The following EPHB2 variants were observed in gnomAD, a reference collection of about 807,000 sequenced individuals.
EPHB2 encodes ephrin type-B receptor 2.
In EPHB2, 18 loss-of-function variants were observed where a neutral mutation model predicts 96.4. That is an observed-to-expected ratio of 0.19 (90% CI 0.13 to 0.28). The LOEUF is 0.28. Ranked by LOEUF, EPHB2 falls within the 10% of genes least tolerant of loss-of-function variation. The pLI, the probability that EPHB2 is intolerant of heterozygous loss-of-function variation, is 1.00. For synonymous variants in EPHB2, 506 were observed against 534.1 expected (o/e 0.95, Z 0.72); for missense variants, 989 against 1,355.4 (o/e 0.73, Z 4.25).
Position 22,865,119 on chromosome 1 carries a change from T to C in EPHB2, c.1210T>C (p.Tyr404His). ...CAGTGACCTGCTGGCCCACACCCAG[T>C]ACACCTTCGAGATCCAGGCTGTGAA... Reference protein sequence around the residue: ...YISDLLAHTQYTFEIQAVNGV... With the variant: ...YISDLLAHTQHTFEIQAVNGV... Residue 404 changes from tyrosine (Y) to histidine (H), a missense_variant, in exon 5 of 16, where the codon TAC (tyrosine) becomes CAC (histidine). Coordinates refer to ENST00000374630, the MANE Select transcript of EPHB2 (RefSeq NM_017449.5). 1 of 1,614,232 alleles carries C rather than the reference T, an allele frequency of 6.2e-7. No homozygotes were observed. Among genetic ancestry groups the C allele is most frequent in the Non-Finnish European group, 8.5e-7 (1 of 1,180,038 alleles).
chr1:22,769,512 A>T (rs1644350199), intron 1 of EPHB2, among the ~76,000 whole-genome samples: 1 of 152,060 alleles, frequency 6.6e-6, no homozygotes. Flanking sequence ...GTTCAAGTTG[A>T]TTCTCGTGCC....
intron 3 of EPHB2, among the ~76,000 whole-genome samples, chr1:22,837,691 C>T (rs12731889): frequency 6.6e-6 from 1 of 152,068 alleles, no homozygotes; most frequent in Middle Eastern, 3.2e-3. Flanking sequence ...CAGTCCTTCC[C>T]ATTCAGCTTC....
chr1:22,872,835 T>C (rs1638716624), intron 5 of EPHB2, among the ~76,000 whole-genome samples: 1 of 152,116 alleles, frequency 6.6e-6, no homozygotes, highest in East Asian at 1.9e-4. Flanking sequence ...CACCTACTTC[T>C]CTCCCTGGGG....
intron 3 of EPHB2, among the ~76,000 whole-genome samples, chr1:22,851,500 T>C (rs1381694502): frequency 1.3e-5 from 2 of 152,328 alleles, no homozygotes; most frequent in Non-Finnish European, 2.9e-5. Context: ...CCTCTGCCCC[T>C]TCTCTTCCCT....
intron 1 of EPHB2, among the ~76,000 whole-genome samples, chr1:22,780,612 A>G (rs188967923): frequency 2.6e-5 from 4 of 152,332 alleles, no homozygotes; most frequent in Admixed American, 2.6e-4. Flanking sequence ...CAGCCCCTCT[A>G]AGGCCCAAGT....
At chr1:22,818,730 G>A (rs778882529) in intron 3 of EPHB2, among the ~76,000 whole-genome samples, 17 of 151,876 alleles carry the variant, frequency 1.1e-4, no homozygotes, top group Admixed American at 3.9e-4. Context: ...CCCCTGCACC[G>A]TTCATCTTAG....
At chr1:22,759,971 C>T (rs868001469) in intron 1 of EPHB2, among the ~76,000 whole-genome samples, 5 of 152,162 alleles carry the variant, frequency 3.3e-5, no homozygotes, top group East Asian at 3.9e-4. Context: ...GCAACATTCT[C>T]GCTGCCTGTC....
chr1:22,795,727 G>A (rs932759075), intron 3 of EPHB2, among the ~76,000 whole-genome samples: 4 of 152,188 alleles, frequency 2.6e-5, no homozygotes, highest in African/African-American at 9.7e-5. Context: ...GACACGAGGA[G>A]GCATGACTTT....
intron 1 of EPHB2, among the ~76,000 whole-genome samples, chr1:22,767,131 A>G (rs1010661326): frequency 4.6e-5 from 7 of 152,198 alleles, no homozygotes; most frequent in Admixed American, 6.5e-5. Context: ...AATGGCCTTC[A>G]TCCTCCACTT....
intron 4 of EPHB2, among the ~76,000 whole-genome samples, chr1:22,864,388 C>A (rs1189637406): frequency 6.6e-6 from 1 of 152,160 alleles, no homozygotes; most frequent in East Asian, 1.9e-4. Context: ...GCTGAAGTCC[C>A]AGCCATCACC....
chr1:22,811,932 A>G (rs547141749), intron 3 of EPHB2, among the ~76,000 whole-genome samples: 26 of 152,332 alleles, frequency 1.7e-4, no homozygotes, highest in Non-Finnish European at 1.2e-4. Context: ...CCAGCTCCTC[A>G]GGAGGCTGAG....
At chr1:22,711,771 C>T (rs1398272751) in intron 1 of EPHB2, among the ~76,000 whole-genome samples, 1 of 152,180 alleles carries the variant, frequency 6.6e-6, no homozygotes, top group Non-Finnish European at 1.5e-5. Context: ...GGGAACTCTC[C>T]AGCTGCCGCC....
intron 3 of EPHB2, among the ~76,000 whole-genome samples, chr1:22,837,748 C>T (rs563075368): frequency 1.3e-5 from 2 of 152,130 alleles, no homozygotes; most frequent in African/African-American, 2.4e-5. Flanking sequence ...AGCAACAGAC[C>T]GGCAGCCTGA....
rs540315802 is a variant in EPHB2 at position 22,789,898 on chromosome 1, A to C, written c.811+4822A>C. Among the ~76,000 whole-genome samples, 22 of 152,306 alleles carry C rather than the reference A, an allele frequency of 1.4e-4. 2 individuals carry two copies. In the South Asian group the frequency reaches 4.1e-3, roughly 29 times the overall value. On this transcript the variant is annotated intron_variant, in intron 3 of 15. Transcript: ENST00000374630. ...GAGAAGGCTGTGGGGAAAGCATTCC[A>C]GGCAGAGGGTCCCTGAGAAACCCTG...
chr1:22,882,219 G>A, intron 5 of EPHB2, 140 bp from the exon 6 acceptor site: 1 of 1,464,626 alleles, frequency 6.8e-7, no homozygotes, highest in South Asian at 1.2e-5. Context: ...GGCTCCCCGA[G>A]ACTGGCTCTG....
intron 3 of EPHB2, among the ~76,000 whole-genome samples, chr1:22,812,501 G>T (rs1645017236): frequency 6.6e-6 from 1 of 152,184 alleles, no homozygotes; most frequent in African/African-American, 2.4e-5. Flanking sequence ...CGGTTGAGTG[G>T]GGGGACCCTC....
intron 3 of EPHB2, among the ~76,000 whole-genome samples, chr1:22,842,361 C>T (rs1002240734): frequency 3.9e-5 from 6 of 152,164 alleles, no homozygotes; most frequent in Non-Finnish European, 7.3e-5. Flanking sequence ...ACCTCGCATT[C>T]GCGTGGGGTG....
rs1054018036 is a variant in EPHB2, at chr1:22,916,537, C to A, written c.*2967C>A. 3 of 150,368 alleles carry A rather than the reference C, an allele frequency of 2.0e-5. No homozygotes were observed. Among genetic ancestry groups the A allele is most frequent in the South Asian group, 2.1e-4 (1 of 4,740 alleles). The allele number at this position is 150,368 out of a possible 1,614,324, so 9.3% of individuals were successfully genotyped here. A position where few individuals can be genotyped will look rare whatever the true frequency, so the allele number is the denominator to read the frequency against. ...CCCACCCGCTACCGGGGCAGTCGCC[C>A]CGCCCCAACCTCTTGCTTGCTGCTC... On this transcript the variant is annotated 3_prime_UTR_variant, in exon 16 of 16. Coordinates refer to ENST00000374630, the MANE Select transcript of EPHB2 (RefSeq NM_017449.5). This position sits in a 1 kb window ranked among gnomAD's most constrained non-coding sequence, Gnocchi z 4.2.
chr1:22,883,517 G>A (rs951410153), intron 6 of EPHB2, among the ~76,000 whole-genome samples: 2 of 152,256 alleles, frequency 1.3e-5, no homozygotes, highest in Non-Finnish European at 2.9e-5. Context: ...CTTCCATTCA[G>A]ACTAGGTGTC....
Sources: gnomAD v4.1 joint callset for allele counts (sites outside exome capture counted in the v4.1 genomes callset) on GRCh38, gnomAD v4.1.1 for gene constraint, Gnocchi (gnomAD v3.1) non-coding constraint, MANE v1.5 for transcripts, NCBI Gene and HGNC (gene_info 2026-07-23, HGNC 2026-07-21) for gene names.